PLSCR2: variants seen among roughly 807,000 people sequenced by gnomAD.
The protein encoded by PLSCR2 is phospholipid scramblase 2.
In PLSCR2, 18 loss-of-function variants were observed where a neutral mutation model predicts 25.3. The observed-to-expected ratio is 0.71, with a 90% confidence interval of 0.49 to 1.06. The LOEUF (loss-of-function observed/expected upper bound fraction) is 1.06, where lower values mean the gene tolerates loss of function less well. PLSCR2 is among the 50% of genes least tolerant of loss of function. The pLI is 0.00. For missense variants in PLSCR2, 243 were observed against 269.5 expected, an observed-to-expected ratio of 0.90 and a Z score of 0.69; for synonymous variants, 88 against 87.3, an observed-to-expected ratio of 1.01 and a Z score of -0.04.
At chr3:146,473,284 T>G (rs1013503425) in intron 1 of PLSCR2, among the ~76,000 whole-genome samples, 2 of 150,742 alleles carry the variant, frequency 1.3e-5, no homozygotes, top group Non-Finnish European at 3.0e-5. Context: ...TGTATTATAG[T>G]CCTGAAGAAA....
upstream of PLSCR2, chr3:146,463,740 TC>T (rs139018828): frequency 1.7e-4 from 63 of 371,758 alleles, no homozygotes; most frequent in East Asian, 9.3e-3. Context: ...TACCAACTCC[TC>T]CTACTGTGCA....
rs370586723 is a variant in PLSCR2 at position 146,449,194 on chromosome 3, G to A, written c.645+12C>T. 349 of 1,600,118 alleles carry A rather than the reference G, an allele frequency of 2.2e-4. No homozygotes were observed. The African/African-American group carries it at 4.0e-3, about 18-fold the overall frequency. ...AGCCATCTGTCACCAAGATTAGCAGGAATAGACTTACAATGAGGAAACAGG... is the reference window on the plus strand; with the variant it reads ...AGCCATCTGTCACCAAGATTAGCAGAAATAGACTTACAATGAGGAAACAGG... On this transcript the variant is annotated intron_variant, in intron 6 of 6. Coordinates refer to ENST00000610787, the Ensembl canonical transcript of PLSCR2.
chr3:146,481,318 G>T (rs1469721113), intron 1 of PLSCR2, among the ~76,000 whole-genome samples: 2 of 152,180 alleles, frequency 1.3e-5, no homozygotes, highest in Non-Finnish European at 1.5e-5. Context: ...TGACATGATT[G>T]TATATTTGGA....
At chr3:146,407,761 G>A (rs904806349) in intron 2 of PLSCR2, among the ~76,000 whole-genome samples, 12 of 152,158 alleles carry the variant, frequency 7.9e-5, no homozygotes, top group Admixed American at 4.6e-4. Flanking sequence ...AGCTTTTTGC[G>A]CTGAGGTGTT....
At chr3:146,451,112 T>C (rs1049061183) in intron 5 of PLSCR2, among the ~76,000 whole-genome samples, 7 of 140,412 alleles carry the variant, frequency 5.0e-5, no homozygotes, top group East Asian at 2.1e-4. Flanking sequence ...GTTTTCTTTT[T>C]TTTTTTTTTT....
intron 1 of PLSCR2, chr3:146,494,542 A>T (rs2043678943): frequency 6.6e-6 from 1 of 152,184 alleles, no homozygotes; most frequent in African/African-American, 2.4e-5. Flanking sequence ...ATGCCAGACA[A>T]ACTGGTGGTC....
At chr3:146,393,332 T>C (rs1005581982) in intron 3 of PLSCR2, among the ~76,000 whole-genome samples, 6 of 150,598 alleles carry the variant, frequency 4.0e-5, no homozygotes, top group African/African-American at 1.5e-4. Context: ...CCAGCCTACA[T>C]TTCTATATGT....
intron 5 of PLSCR2, among the ~76,000 whole-genome samples, chr3:146,453,342 A>C (rs2041009289): frequency 6.6e-6 from 1 of 152,098 alleles, no homozygotes; most frequent in African/African-American, 2.4e-5. Context: ...AATCAAGATT[A>C]AGTTATAAAA....
chr3:146,475,525 A>G (rs1010283006), intron 1 of PLSCR2, among the ~76,000 whole-genome samples: 31 of 152,292 alleles, frequency 2.0e-4, no homozygotes, highest in African/African-American at 7.2e-4. Context: ...TGGAAACTGT[A>G]TATGCCTCCT....
chr3:146,416,450 G>A (rs992926739), intron 2 of PLSCR2: 1 of 152,046 alleles, frequency 6.6e-6, no homozygotes, highest in African/African-American at 2.4e-5. Flanking sequence ...ATTCTGGAAC[G>A]ATCTAAATTC....
intron 3 of PLSCR2, among the ~76,000 whole-genome samples, chr3:146,393,620 C>G (rs2038171123): frequency 6.6e-6 from 1 of 151,670 alleles, no homozygotes; most frequent in African/African-American, 2.4e-5. Flanking sequence ...ACCATCCTGG[C>G]CAACATGGTG....
exon 4 of PLSCR2, chr3:146,455,417 T>A: frequency 6.2e-7 from 1 of 1,613,324 alleles, no homozygotes; most frequent in African/African-American, 1.3e-5. Flanking sequence ...CCCAAAGCTG[T>A]TCTTGATTTC....
At chr3:146,467,038 G>C (rs1271942973) in intron 1 of PLSCR2, among the ~76,000 whole-genome samples, 1 of 152,162 alleles carries the variant, frequency 6.6e-6, no homozygotes, top group East Asian at 1.9e-4. Context: ...AAGCACAGTT[G>C]TTACTACTGA....
downstream of PLSCR2, among the ~76,000 whole-genome samples, chr3:146,439,879 C>T (rs1329206460): frequency 6.6e-6 from 1 of 152,182 alleles, no homozygotes; most frequent in Non-Finnish European, 1.5e-5. Flanking sequence ...AGCTTTTCTG[C>T]TCTGGTTTCT....
At chr3:146,495,421 G>A (rs2043711062) in intron 1 of PLSCR2, among the ~76,000 whole-genome samples, 2 of 152,154 alleles carry the variant, frequency 1.3e-5, no homozygotes, top group South Asian at 4.1e-4. Context: ...CAGTCCAATG[G>A]ACTGAATATA....
intron 1 of PLSCR2, among the ~76,000 whole-genome samples, chr3:146,486,757 A>G (rs1218107359): frequency 1.3e-5 from 2 of 152,158 alleles, no homozygotes; most frequent in Admixed American, 6.5e-5. Context: ...GACTGGTACC[A>G]TTCGTTCTGA....
At chr3:146,472,325 C>A (rs2042144779) in intron 1 of PLSCR2, among the ~76,000 whole-genome samples, 1 of 152,144 alleles carries the variant, frequency 6.6e-6, no homozygotes, top group South Asian at 2.1e-4. Flanking sequence ...ATTAATCTAT[C>A]AATTATTCAA....
At chr3:146,406,523 G>A (rs1281230424) in intron 2 of PLSCR2, among the ~76,000 whole-genome samples, 1 of 152,156 alleles carries the variant, frequency 6.6e-6, no homozygotes, top group Non-Finnish European at 1.5e-5. Flanking sequence ...GTCCTGTTGT[G>A]AAAGAGGTGA....
At chr3:146,415,095 A>G (rs896096806) in intron 2 of PLSCR2, 1 of 152,658 alleles carries the variant, frequency 6.6e-6, no homozygotes, top group African/African-American at 2.4e-5. Flanking sequence ...TATCTTAAAG[A>G]ATTAATATAT....
Sources: gnomAD v4.1 joint callset for allele counts (sites outside exome capture counted in the v4.1 genomes callset) on GRCh38, gnomAD v4.1.1 for gene constraint, MANE v1.5 for transcripts, NCBI Gene and HGNC (gene_info 2026-07-23, HGNC 2026-07-21) for gene names.